CADM2: variants seen among roughly 807,000 people sequenced by gnomAD.
CADM2 encodes cell adhesion molecule 2.
CADM2 carries 12 observed loss-of-function variants against 49.8 expected under a neutral mutation model. The observed-to-expected ratio is 0.24, with a 90% CI of 0.15 to 0.39. The LOEUF is 0.39. Ranked by LOEUF, CADM2 falls within the 10% of genes least tolerant of loss-of-function variation. The pLI is 1.00. For missense variants in CADM2, 378 were observed against 492.3 expected (o/e 0.77, Z 2.20); for synonymous variants, 214 against 175.4 (o/e 1.22, Z -1.74).
intron 2 of CADM2, among the ~76,000 whole-genome samples, chr3:85,753,368 G>T (rs2068953209): frequency 6.6e-6 from 1 of 152,080 alleles, no homozygotes; most frequent in African/African-American, 2.4e-5. Flanking sequence ...AAATGATGTG[G>T]AGAGAGTGTA....
chr3:85,901,878 T>C (rs1716172353), intron 5 of CADM2, among the ~76,000 whole-genome samples: 1 of 151,936 alleles, frequency 6.6e-6, no homozygotes, highest in Non-Finnish European at 1.5e-5. Flanking sequence ...GGACATTTCA[T>C]CTACAAAAAT....
At chr3:85,147,221 G>T (rs1210321874) in intron 1 of CADM2, among the ~76,000 whole-genome samples, 1 of 139,498 alleles carries the variant, frequency 7.2e-6, no homozygotes, top group Non-Finnish European at 1.5e-5. Flanking sequence ...CTTGCGGTGA[G>T]CTGAGATTGT....
chr3:85,958,689 A>C (rs571028142), intron 7 of CADM2, among the ~76,000 whole-genome samples: 9 of 152,016 alleles, frequency 5.9e-5, no homozygotes, highest in Non-Finnish European at 1.3e-4. Flanking sequence ...AAAATGTGGC[A>C]TATATACACC....
chr3:85,698,270 A>G (rs1432781403), intron 1 of CADM2, among the ~76,000 whole-genome samples: 2 of 152,204 alleles, frequency 1.3e-5, no homozygotes, highest in Non-Finnish European at 2.9e-5. Context: ...TGTCCAGTGC[A>G]TCAGGACCTC....
chr3:85,082,584 A>G (rs143407544), intron 1 of CADM2, among the ~76,000 whole-genome samples: 2 of 152,138 alleles, frequency 1.3e-5, no homozygotes, highest in Admixed American at 6.6e-5. Flanking sequence ...GAAACTGAAT[A>G]CATTTCTTGA....
intron 1 of CADM2, among the ~76,000 whole-genome samples, chr3:85,523,135 C>G (rs996270702): frequency 1.3e-5 from 2 of 152,062 alleles, no homozygotes; most frequent in Non-Finnish European, 2.9e-5. Flanking sequence ...TAACACAAGG[C>G]TTTGGGCAGA....
At chr3:85,968,230 C>T (rs1725700943) in intron 8 of CADM2, among the ~76,000 whole-genome samples, 1 of 151,524 alleles carries the variant, frequency 6.6e-6, no homozygotes, top group African/African-American at 2.4e-5. Flanking sequence ...AGGGAGAGCT[C>T]TGATGCCTGT....
At chr3:85,623,696 T>C (rs1429574131) in intron 1 of CADM2, among the ~76,000 whole-genome samples, 1 of 152,192 alleles carries the variant, frequency 6.6e-6, no homozygotes, top group Non-Finnish European at 1.5e-5. Context: ...AAGTTTGATA[T>C]ATAAACCCAA....
At chr3:85,153,742 G>A (rs189954981) in intron 1 of CADM2, among the ~76,000 whole-genome samples, 4,716 of 152,224 alleles carry the variant, frequency 0.031, 105 homozygotes, top group East Asian at 0.045. Context: ...CTGGAGATCT[G>A]AGAACGGGCA....
intron 1 of CADM2, among the ~76,000 whole-genome samples, chr3:85,552,099 T>C (rs1378431064): frequency 6.6e-6 from 1 of 152,134 alleles, no homozygotes; most frequent in Non-Finnish European, 1.5e-5. Context: ...CCTGGCTAAA[T>C]AAACGTCATT....
intron 3 of CADM2, among the ~76,000 whole-genome samples, chr3:85,813,840 G>A (rs966417109): frequency 1.3e-5 from 2 of 152,144 alleles, no homozygotes; most frequent in Admixed American, 6.6e-5. Flanking sequence ...TCAAAGATCA[G>A]ATGGTTGTGG....
chr3:85,679,431 C>G (rs1177830616), intron 1 of CADM2, among the ~76,000 whole-genome samples: 1 of 152,050 alleles, frequency 6.6e-6, no homozygotes, highest in Non-Finnish European at 1.5e-5. Context: ...TAAGTCTTTT[C>G]TCTATAATAA....
intron 1 of CADM2, among the ~76,000 whole-genome samples, chr3:85,096,034 G>T (rs539955032): frequency 6.6e-6 from 1 of 152,074 alleles, no homozygotes; most frequent in Non-Finnish European, 1.5e-5. Flanking sequence ...AAAAATTCTA[G>T]AGGGGAGAAG....
intron 1 of CADM2, among the ~76,000 whole-genome samples, chr3:84,988,163 T>C (rs1177077053): frequency 1.3e-5 from 2 of 152,226 alleles, no homozygotes; most frequent in Non-Finnish European, 2.9e-5. Flanking sequence ...CTGCCTGTTT[T>C]GGAGTGTCTG....
chr3:85,842,370 T>C (rs1362239015), intron 3 of CADM2, among the ~76,000 whole-genome samples: 2 of 152,116 alleles, frequency 1.3e-5, no homozygotes, highest in South Asian at 2.1e-4. Context: ...ATGCAAGTTA[T>C]ATTTGCCTGT....
intron 8 of CADM2, among the ~76,000 whole-genome samples, chr3:85,996,200 A>T (rs1033394688): frequency 3.3e-5 from 5 of 151,384 alleles, no homozygotes; most frequent in Non-Finnish European, 7.4e-5. Flanking sequence ...TATATTATTT[A>T]AATTTACTTT....
chr3:85,247,947 C>A (rs918779276), intron 1 of CADM2, among the ~76,000 whole-genome samples: 1 of 151,954 alleles, frequency 6.6e-6, no homozygotes, highest in South Asian at 2.1e-4. Flanking sequence ...TGGTTTTATT[C>A]ATTAGAATTA....
intron 7 of CADM2, among the ~76,000 whole-genome samples, chr3:85,939,652 A>G (rs551140681): frequency 1.2e-4 from 18 of 152,000 alleles, no homozygotes; most frequent in Admixed American, 7.2e-4. Context: ...CGACATTTTC[A>G]GTGAGATAAA....
At chr3:85,578,971 G>A (rs911810323) in intron 1 of CADM2, among the ~76,000 whole-genome samples, 8 of 152,168 alleles carry the variant, frequency 5.3e-5, no homozygotes, top group Admixed American at 3.9e-4. Flanking sequence ...GGTGTTGCAA[G>A]TATTAAAGCA....
Sources: allele counts gnomAD v4.1 joint callset (sites outside exome capture counted in the v4.1 genomes callset), GRCh38; gene constraint gnomAD v4.1.1; transcripts MANE v1.5; gene names NCBI Gene and HGNC (gene_info 2026-07-23, HGNC 2026-07-21).